Variants in SNTG2 observed in about 807,000 individuals in gnomAD.
SNTG2 encodes the protein syntrophin gamma 2.
A neutral mutation model predicts 70.9 loss-of-function variants in SNTG2; 74 were observed. That is an observed-to-expected ratio of 1.04 (90% CI 0.86 to 1.27). The LOEUF (loss-of-function observed/expected upper bound fraction) is 1.27. SNTG2 is among the 50% of genes most tolerant of loss of function. SNTG2 has a pLI of 0.00. For synonymous variants in SNTG2, 278 were observed against 273.8 expected (o/e 1.02, Z -0.15); for missense variants, 717 against 690.7 (o/e 1.04, Z -0.43).
At position 1,054,229 on chromosome 2, in the gene SNTG2, G is replaced by C. The variant is rs140573637; in HGVS notation, c.73-29289G>C. 1.2e-3 allele frequency among the ~76,000 whole-genome samples: 176 copies of C among 152,042 alleles called. No individual in the cohort carries two copies. The Middle Eastern group carries it at 0.014, about 12-fold the overall frequency. ...GCCACCTTGTCAGGTGGTGGAAATT[G>C]GCCCTTTCTCCTGCATCCCTAAGCG... On this transcript the variant is annotated intron_variant, in intron 1 of 16. Transcript: ENST00000308624.
chr2:1,281,627 G>A (rs979946573), intron 14 of SNTG2, among the ~76,000 whole-genome samples: 12 of 152,034 alleles, frequency 7.9e-5, no homozygotes, highest in African/African-American at 2.4e-4. Context: ...AGCAGAACAC[G>A]TCCCCAGAGT....
intron 1 of SNTG2, among the ~76,000 whole-genome samples, chr2:1,038,245 A>G (rs1661242618): frequency 6.6e-6 from 1 of 152,230 alleles, no homozygotes. Context: ...TCAGTATTCA[A>G]TAAGGAAGAT....
intron 1 of SNTG2, among the ~76,000 whole-genome samples, chr2:977,245 G>T (rs1660936551): frequency 2.0e-5 from 3 of 152,230 alleles, no homozygotes; most frequent in African/African-American, 7.2e-5. Context: ...TATTATGTAA[G>T]AAACCATTGT....
rs139507720 is a variant in SNTG2, at chr2:1,134,148, G to A, written c.326-3474G>A. Among the ~76,000 whole-genome samples, 1,067 of 152,254 alleles carry A rather than the reference G, an allele frequency of 7.0e-3. 14 individuals are homozygous for A. Among genetic ancestry groups the A allele is most frequent in the African/African-American group, 0.024 (1,017 of 41,540 alleles). On this transcript the variant is annotated intron_variant, in intron 4 of 16. Coordinates refer to ENST00000308624, the MANE Select transcript of SNTG2 (RefSeq NM_018968.4). Reference sequence around the variant, plus strand: ...CAGGAGTGAAGCTGGAGACCTTTGCGGTGAGTGTTACAGCTCATAAAGGCA... The same window carrying A: ...CAGGAGTGAAGCTGGAGACCTTTGCAGTGAGTGTTACAGCTCATAAAGGCA...
At chr2:1,309,234 C>T (rs1009935534) in intron 15 of SNTG2, among the ~76,000 whole-genome samples, 13 of 152,182 alleles carry the variant, frequency 8.5e-5, no homozygotes, top group Admixed American at 2.6e-4. Context: ...AATCCCAAAT[C>T]GGGCTGCACC....
At chr2:1,115,481 CTAAG>C (rs1229277999) in intron 4 of SNTG2, among the ~76,000 whole-genome samples, 4 of 151,702 alleles carry the variant, frequency 2.6e-5, no homozygotes, top group Admixed American at 2.0e-4. Context: ...ATCGTGTGTA[CTAAG>C]TGAGGTTTAA....
At chr2:1,276,002 G>A (rs898269885) in intron 14 of SNTG2, among the ~76,000 whole-genome samples, 5 of 152,218 alleles carry the variant, frequency 3.3e-5, no homozygotes, top group African/African-American at 1.2e-4. Flanking sequence ...CCAGAACAAG[G>A]CCCTAGCTCT....
intron 14 of SNTG2, among the ~76,000 whole-genome samples, chr2:1,268,654 C>T (rs894704655): frequency 1.3e-5 from 2 of 152,182 alleles, no homozygotes; most frequent in Non-Finnish European, 2.9e-5. Flanking sequence ...CATTATAGAA[C>T]ATTACATGCT....
At chr2:1,043,158 A>T in intron 1 of SNTG2, among the ~76,000 whole-genome samples, 1 of 152,156 alleles carries the variant, frequency 6.6e-6, no homozygotes, top group East Asian at 1.9e-4. Context: ...TGTTGGCCAC[A>T]TATACGTCTT....
rs140521701 is a variant in SNTG2 at position 1,283,689 on chromosome 2, C to T, written c.1284+16118C>T. Among the ~76,000 whole-genome samples, 855 of 152,302 alleles carry T rather than the reference C, an allele frequency of 5.6e-3. 13 individuals carry two copies. The highest frequency in any genetic ancestry group is 5.6e-3 in the Non-Finnish European group (381 of 68,032). Reference sequence around the variant, plus strand: ...TGGCTTCTCTGTGTCTTCCACAGTTCTCTGTGGACCTCCCTCTCGCATGGG... The same window carrying T: ...TGGCTTCTCTGTGTCTTCCACAGTTTTCTGTGGACCTCCCTCTCGCATGGG... On this transcript the variant is annotated intron_variant, in intron 14 of 16. Transcript: ENST00000308624.
At chr2:985,607 G>C (rs1292794866) in intron 1 of SNTG2, among the ~76,000 whole-genome samples, 1 of 152,116 alleles carries the variant, frequency 6.6e-6, no homozygotes, top group Admixed American at 6.6e-5. Context: ...AATTTTCAGA[G>C]AGAAACAGAT....
chr2:1,352,207 C>T (rs181802164), intron 16 of SNTG2, among the ~76,000 whole-genome samples: 26 of 152,330 alleles, frequency 1.7e-4, no homozygotes, highest in Admixed American at 2.6e-4. Context: ...ATGAAAATGA[C>T]GAGTTGCAAC....
chr2:1,182,425 GA>G (rs1460900935), intron 8 of SNTG2, among the ~76,000 whole-genome samples: 3 of 143,324 alleles, frequency 2.1e-5, no homozygotes, highest in Non-Finnish European at 4.5e-5. Context: ...AATGAATCAA[GA>G]AGGGTATAGG....
Position 1,199,705 on chromosome 2 carries a change from G to A in SNTG2, c.592-9398G>A, listed in dbSNP as rs142309861. 3.7e-4 allele frequency among the ~76,000 whole-genome samples: 56 copies of A among 152,040 alleles called. 1 individual carries two copies. Among genetic ancestry groups the A allele is most frequent in the African/African-American group, 1.3e-3 (55 of 41,514 alleles). On this transcript the variant is annotated intron_variant, in intron 8 of 16. Coordinates refer to ENST00000308624, the MANE Select transcript of SNTG2 (RefSeq NM_018968.4). ...ATAAAGAATCAATACACAAAAACCAGTAGTATTTCTCAATACCAATAACAA... is the reference window on the plus strand; with the variant it reads ...ATAAAGAATCAATACACAAAAACCAATAGTATTTCTCAATACCAATAACAA...
chr2:1,164,265 C>T (rs1670551179), intron 6 of SNTG2, among the ~76,000 whole-genome samples: 1 of 145,464 alleles, frequency 6.9e-6, no homozygotes, highest in African/African-American at 2.6e-5. Context: ...AGGTAGGAAC[C>T]TGCCCAAACT....
chr2:1,349,015 A>G (rs1660442823), intron 16 of SNTG2, among the ~76,000 whole-genome samples: 1 of 152,254 alleles, frequency 6.6e-6, no homozygotes, highest in South Asian at 2.1e-4. Context: ...TTGCAAGGCA[A>G]CTGAGCAGGA....
intron 9 of SNTG2, among the ~76,000 whole-genome samples, chr2:1,236,647 G>A (rs533058232): frequency 6.7e-4 from 102 of 152,362 alleles, no homozygotes; most frequent in African/African-American, 2.4e-3. Flanking sequence ...AGACAGGGAT[G>A]TCAGCTTTTT....
chr2:972,202 T>A (rs73165795), intron 1 of SNTG2, among the ~76,000 whole-genome samples: 27 of 152,110 alleles, frequency 1.8e-4, no homozygotes, highest in African/African-American at 6.5e-4. Flanking sequence ...CTCTAGTTTT[T>A]GGCCTTCATG....
intron 9 of SNTG2, among the ~76,000 whole-genome samples, chr2:1,214,715 T>C (rs1674266542): frequency 6.6e-6 from 1 of 152,200 alleles, no homozygotes; most frequent in Non-Finnish European, 1.5e-5. Flanking sequence ...CTTTTCTATT[T>C]AGATGTGTTT....
Sources: allele counts gnomAD v4.1 joint callset (sites outside exome capture counted in the v4.1 genomes callset), GRCh38; gene constraint gnomAD v4.1.1; transcripts MANE v1.5; gene names NCBI Gene and HGNC (gene_info 2026-07-23, HGNC 2026-07-21).